Variants in NFIA observed in about 807,000 individuals in gnomAD.
NFIA encodes the protein nuclear factor 1 A-type.
A neutral mutation model predicts 62.8 loss-of-function variants in NFIA; 8 were observed. The ratio of observed to expected loss-of-function variants is 0.13; its 90% CI spans 0.07 to 0.23. NFIA has a LOEUF of 0.23. NFIA is among the 10% of genes least tolerant of loss of function. NFIA has a pLI of 1.00. For missense variants in NFIA, 410 were observed against 642.1 expected, an observed-to-expected ratio of 0.64 and a Z score of 3.91; for synonymous variants, 235 against 238.1, an observed-to-expected ratio of 0.99 and a Z score of 0.12.
chr1:61,342,446 C>T (rs1448221995), intron 4 of NFIA, among the ~76,000 whole-genome samples: 1 of 152,170 alleles, frequency 6.6e-6, no homozygotes, highest in African/African-American at 2.4e-5. Context: ...GCAGGTACCA[C>T]ATTTGACCTC....
intron 2 of NFIA, among the ~76,000 whole-genome samples, chr1:61,217,569 A>C (rs965776455): frequency 6.6e-6 from 1 of 152,176 alleles, no homozygotes; most frequent in Non-Finnish European, 1.5e-5. Context: ...GCAGAGCTGA[A>C]GTCAAGAGGG....
chr1:61,279,960 CAAAG>C (rs750114671), intron 3 of NFIA, among the ~76,000 whole-genome samples: 2 of 152,202 alleles, frequency 1.3e-5, no homozygotes, highest in East Asian at 3.9e-4. Context: ...CATGTGAGTT[CAAAG>C]AAAGAAAGTA....
chr1:61,210,150 G>A (rs1361864325), intron 2 of NFIA, among the ~76,000 whole-genome samples: 2 of 152,302 alleles, frequency 1.3e-5, no homozygotes, highest in South Asian at 2.1e-4. Context: ...ACGGGGAAGG[G>A]TATAATACCT....
intron 2 of NFIA, among the ~76,000 whole-genome samples, chr1:61,269,444 G>A (rs1287811264): frequency 6.6e-6 from 1 of 152,080 alleles, no homozygotes; most frequent in African/African-American, 2.4e-5. Context: ...ATTACCATTA[G>A]GAAATCCAAT....
chr1:61,125,633 G>A (rs1646954709), intron 2 of NFIA, among the ~76,000 whole-genome samples: 1 of 152,084 alleles, frequency 6.6e-6, no homozygotes, highest in Non-Finnish European at 1.5e-5. Flanking sequence ...ACATTTAAGA[G>A]CTTATGGAAA....
chr1:61,363,962 T>C (rs1159990254), intron 6 of NFIA, among the ~76,000 whole-genome samples: 3 of 151,458 alleles, frequency 2.0e-5, no homozygotes, highest in Non-Finnish European at 4.4e-5. Flanking sequence ...TTTTTTTTTT[T>C]CTGAGACAGA....
intron 10 of NFIA, among the ~76,000 whole-genome samples, chr1:61,437,086 G>A (rs776883298): frequency 3.3e-5 from 5 of 152,144 alleles, no homozygotes; most frequent in Non-Finnish European, 5.9e-5. Context: ...GGGCAACCTC[G>A]GACCCTCACA....
chr1:61,431,880 T>G (rs1667110571), intron 10 of NFIA, among the ~76,000 whole-genome samples: 1 of 152,236 alleles, frequency 6.6e-6, no homozygotes, highest in African/African-American at 2.4e-5. Flanking sequence ...AGACCATCTG[T>G]GGAACTCTTC....
chr1:61,085,268 G>C (rs1348609390), intron 1 of NFIA, among the ~76,000 whole-genome samples: 1 of 152,050 alleles, frequency 6.6e-6, no homozygotes, highest in African/African-American at 2.4e-5. Flanking sequence ...ATCAGGTACT[G>C]TCCATATAAT....
In NFIA at chr1:61,447,389, G is replaced by A. The variant is rs143450331; in HGVS notation, c.1513-7914G>A. ...TAAATCTTTTATCTTGCTCTTATGCGATAGAAAGTGTGGCCTGTCTTCTGA... is the reference window on the plus strand; with the variant it reads ...TAAATCTTTTATCTTGCTCTTATGCAATAGAAAGTGTGGCCTGTCTTCTGA... On this transcript the variant is annotated intron_variant, in intron 10 of 10. Coordinates refer to ENST00000403491, the MANE Select transcript of NFIA (RefSeq NM_001134673.4). Among the ~76,000 whole-genome samples the A allele has an allele frequency of 2.7e-4, 41 of 152,284 alleles. 1 individual carries two copies. In the East Asian group the frequency reaches 6.7e-3, roughly 25 times the overall value.
intron 2 of NFIA, among the ~76,000 whole-genome samples, chr1:61,089,684 C>CTTTTTTT (rs1646282545): frequency 7.9e-6 from 1 of 126,778 alleles, no homozygotes; most frequent in Non-Finnish European, 1.7e-5. Flanking sequence ...AAATATTTAA[C>CTTTTTTT]GTTTTTTTTT....
intron 2 of NFIA, among the ~76,000 whole-genome samples, chr1:61,129,445 T>G (rs538063223): frequency 1.8e-5 from 2 of 112,604 alleles, no homozygotes; most frequent in South Asian, 3.3e-4. Context: ...GATACTTTCT[T>G]TATTCTTTTT....
intron 2 of NFIA, among the ~76,000 whole-genome samples, chr1:61,124,358 A>G (rs983442125): frequency 2.0e-5 from 3 of 152,224 alleles, no homozygotes; most frequent in African/African-American, 7.2e-5. Context: ...CTTACAATGG[A>G]AACATACTGT....
intron 2 of NFIA, among the ~76,000 whole-genome samples, chr1:61,241,059 T>C (rs111480543): frequency 4.6e-4 from 70 of 152,144 alleles, no homozygotes; most frequent in Non-Finnish European, 6.6e-4. Context: ...GCATGACTCC[T>C]TAAGAGAGTT....
intron 2 of NFIA, among the ~76,000 whole-genome samples, chr1:61,142,164 A>G (rs1057379879): frequency 6.6e-6 from 1 of 152,208 alleles, no homozygotes; most frequent in Admixed American, 6.5e-5. Flanking sequence ...ATTTCCATTT[A>G]AGAAAGAATT....
At chr1:61,272,577 C>T (rs931007923) in intron 2 of NFIA, among the ~76,000 whole-genome samples, 1 of 152,072 alleles carries the variant, frequency 6.6e-6, no homozygotes, top group African/African-American at 2.4e-5. Flanking sequence ...AAATGAATTC[C>T]TTGGCCTCTT....
At chr1:61,177,731 G>A (rs902024050) in intron 2 of NFIA, among the ~76,000 whole-genome samples, 7 of 151,612 alleles carry the variant, frequency 4.6e-5, no homozygotes, top group African/African-American at 1.7e-4. Context: ...TTTTCAGCTA[G>A]TGTGACTCCC....
chr1:61,394,377 G>A (rs1665162275), intron 7 of NFIA, among the ~76,000 whole-genome samples: 1 of 152,090 alleles, frequency 6.6e-6, no homozygotes, highest in Non-Finnish European at 1.5e-5. Flanking sequence ...GTTTCACCAT[G>A]TTGACCAGGC....
chr1:61,238,200 G>A lies in NFIA; in HGVS notation c.560-39320G>A, dbSNP rs185781459. Among the ~76,000 whole-genome samples the A allele has an allele frequency of 2.6e-5, 4 of 152,320 alleles. No homozygotes were observed. The East Asian group carries it at 7.7e-4, about 29-fold the overall frequency. ...ATTTTGTGTTAATTTATGTGAAAGG[G>A]AAGAAGTTAGCTCTTTAAAAATTAA... On this transcript the variant is annotated intron_variant, in intron 2 of 10. Transcript: ENST00000403491.
Sources: allele counts gnomAD v4.1 joint callset (sites outside exome capture counted in the v4.1 genomes callset), GRCh38; gene constraint gnomAD v4.1.1; transcripts MANE v1.5; gene names NCBI Gene and HGNC (gene_info 2026-07-23, HGNC 2026-07-21).